The following TENM1 variants were observed in gnomAD, a reference collection of about 807,000 sequenced individuals.
TENM1 encodes the protein teneurin-1.
Under a neutral mutation model 174.8 loss-of-function variants are expected in TENM1, and 35 were observed. The ratio of observed to expected loss-of-function variants is 0.20; its 90% CI spans 0.15 to 0.27. TENM1 has a LOEUF of 0.27. TENM1 is among the 10% of genes least tolerant of loss of function. The pLI, the probability that TENM1 is intolerant of heterozygous loss-of-function variation, is 1.00. For missense variants in TENM1, 1,633 were observed against 2,130.1 expected (o/e 0.77, Z 4.59); for synonymous variants, 781 against 798.7 (o/e 0.98, Z 0.37).
At chrX:125,060,026 C>A in the TENM1 span, among the ~76,000 whole-genome samples, 1 of 109,913 alleles carries the variant, frequency 9.1e-6, no homozygotes, top group African/African-American at 3.3e-5. Flanking sequence ...CTTCAGATTG[C>A]CTTTCAGACG....
rs772464115 is a variant in TENM1, at chrX:124,685,600, C to T, written c.1016-13765G>A. On this transcript the variant is annotated intron_variant, in intron 5 of 31. Transcript: ENST00000422452. ...TTGAGATGGAGTTTTGCTCTTGTTG[C>T]CCAGGCTGGAGTACAATGGCATGAT... 4.0e-3 allele frequency among the ~76,000 whole-genome samples: 408 copies of T among 102,902 alleles called. 3 individuals carry two copies. Among genetic ancestry groups the T allele is most frequent in the African/African-American group, 0.015 (392 of 26,322 alleles). The allele number at this position is 102,902 out of a possible 115,157, so 89.4% of individuals were successfully genotyped here.
At chrX:124,666,693 C>A (rs780821538) in intron 6 of TENM1, among the ~76,000 whole-genome samples, 43 of 111,455 alleles carry the variant, frequency 3.9e-4, no homozygotes, top group African/African-American at 1.4e-3. Context: ...GTATACAGAC[C>A]CTCCAATTTC....
chrX:124,594,381 T>C (rs2049839185), intron 11 of TENM1, among the ~76,000 whole-genome samples: 1 of 111,666 alleles, frequency 9.0e-6, no homozygotes, highest in Non-Finnish European at 1.9e-5. Flanking sequence ...GAGAGAAATG[T>C]CTTAGTCACC....
chrX:124,511,945 C>G (rs777647140), intron 18 of TENM1, among the ~76,000 whole-genome samples: 1 of 111,775 alleles, frequency 8.9e-6, no homozygotes, highest in African/African-American at 3.3e-5. Context: ...CACCATTCTT[C>G]GTTGCCAAAC....
At chrX:124,871,517 A>C (rs2057107877) in intron 3 of TENM1, among the ~76,000 whole-genome samples, 1 of 112,037 alleles carries the variant, frequency 8.9e-6, no homozygotes, top group Admixed American at 9.5e-5. Context: ...GTAGGAGGGA[A>C]AGATCAGGAG....
At chrX:124,458,113 C>A (rs1035679275) in intron 22 of TENM1, among the ~76,000 whole-genome samples, 1 of 111,710 alleles carries the variant, frequency 9.0e-6, no homozygotes, top group Non-Finnish European at 1.9e-5. Flanking sequence ...CAAAAATGTT[C>A]TTTTAGTCAA....
In TENM1 at chrX:124,789,428, G is replaced by A. The variant is rs1027691896; in HGVS notation, c.536-52231C>T. Among the ~76,000 whole-genome samples, 87 of 111,480 alleles carry A rather than the reference G, an allele frequency of 7.8e-4. No homozygotes were observed. In the Admixed American group the frequency reaches 8.2e-3, roughly 10 times the overall value. ...GCTTGAATTTCTCCTCAGAAAATGGGATTTTCTTTTCTATTGCATTGTCAG... is the reference window on the plus strand; with the variant it reads ...GCTTGAATTTCTCCTCAGAAAATGGAATTTTCTTTTCTATTGCATTGTCAG... On this transcript the variant is annotated intron_variant, in intron 3 of 31. Coordinates refer to ENST00000422452, the Ensembl canonical transcript of TENM1.
intron 22 of TENM1, among the ~76,000 whole-genome samples, chrX:124,462,976 G>A (rs1332201762): frequency 3.6e-5 from 4 of 111,604 alleles, no homozygotes; most frequent in African/African-American, 1.3e-4. Context: ...GAAAAGTGGG[G>A]TTGACAACCA....
intron 4 of TENM1, among the ~76,000 whole-genome samples, chrX:124,728,376 A>C (rs1381604237): frequency 8.9e-6 from 1 of 111,788 alleles, no homozygotes; most frequent in Admixed American, 9.5e-5. Context: ...CAACCTGGTC[A>C]AGAGTATTTA....
At chrX:125,011,696 C>T in the TENM1 span, among the ~76,000 whole-genome samples, 13 of 110,939 alleles carry the variant, frequency 1.2e-4, no homozygotes, top group Non-Finnish European at 2.3e-4. Flanking sequence ...AACAGATGCT[C>T]GTGAGGCTGT....
chrX:124,605,406 C>T (rs144737272), intron 11 of TENM1, among the ~76,000 whole-genome samples: 1,825 of 108,786 alleles, frequency 0.017, 36 homozygotes, highest in African/African-American at 0.058. Flanking sequence ...GTGTGATCTA[C>T]AGGACCTTTT....
intron 3 of TENM1, among the ~76,000 whole-genome samples, chrX:124,834,397 C>T (rs1460384135): frequency 4.5e-5 from 5 of 111,764 alleles, no homozygotes; most frequent in Admixed American, 2.8e-4. Context: ...GTCTCAAACT[C>T]CTGAGCTCAA....
intron 15 of TENM1, among the ~76,000 whole-genome samples, chrX:124,540,146 T>C (rs1193985553): frequency 8.9e-6 from 1 of 112,289 alleles, no homozygotes; most frequent in Non-Finnish European, 1.9e-5. Flanking sequence ...TGACTGCTTC[T>C]GCCACTACAA....
chrX:124,549,512 T>G (rs1033422765), intron 14 of TENM1, among the ~76,000 whole-genome samples: 6 of 111,715 alleles, frequency 5.4e-5, no homozygotes, highest in African/African-American at 2.0e-4. Context: ...AAATAAATAT[T>G]AATGCCAAAA....
chrX:125,195,055 G>C, the TENM1 span, among the ~76,000 whole-genome samples: 1 of 111,973 alleles, frequency 8.9e-6, no homozygotes, highest in Non-Finnish European at 1.9e-5. Flanking sequence ...AGGCTTTGAA[G>C]AAGGTTTGAT....
the TENM1 span, among the ~76,000 whole-genome samples, chrX:125,036,142 T>C: frequency 4.5e-5 from 5 of 111,705 alleles, no homozygotes; most frequent in East Asian, 1.4e-3. Flanking sequence ...TAAATGTAAA[T>C]GTATTCTTTA....
chrX:125,014,267 A>C, the TENM1 span, among the ~76,000 whole-genome samples: 3 of 112,515 alleles, frequency 2.7e-5, no homozygotes, highest in Non-Finnish European at 5.6e-5. Context: ...GGATATATGA[A>C]AACAAATGCA....
At chrX:125,112,908 C>A in the TENM1 span, among the ~76,000 whole-genome samples, 2 of 110,661 alleles carry the variant, frequency 1.8e-5, no homozygotes, top group African/African-American at 6.6e-5. Context: ...TAAGCAAACC[C>A]AGTCAAAATC....
chrX:124,741,189 C>T (rs2053790837), intron 3 of TENM1, among the ~76,000 whole-genome samples: 1 of 111,637 alleles, frequency 9.0e-6, no homozygotes, highest in Non-Finnish European at 1.9e-5. Context: ...ACAACATTGC[C>T]TCTGTCTCCA....
Sources: allele counts gnomAD v4.1 joint callset (sites outside exome capture counted in the v4.1 genomes callset), GRCh38; gene constraint gnomAD v4.1.1; transcripts MANE v1.5; gene names NCBI Gene and HGNC (gene_info 2026-07-23, HGNC 2026-07-21).